Variants in KLF12 observed in about 807,000 individuals in gnomAD.
KLF12 encodes KLF transcription factor 12, also known as Krueppel-like factor 12.
A neutral mutation model predicts 37.8 loss-of-function variants in KLF12; 9 were observed. That is an observed-to-expected ratio of 0.24 (90% CI 0.14 to 0.42). The LOEUF is 0.42. Ranked by LOEUF, KLF12 falls within the 10% of genes least tolerant of loss-of-function variation. KLF12 has a pLI of 1.00. For synonymous variants in KLF12, 208 were observed against 202.1 expected, an observed-to-expected ratio of 1.03 and a Z score of -0.25; for missense variants, 411 against 516.0, an observed-to-expected ratio of 0.80 and a Z score of 1.97.
chr13:73,918,329 ATTTCTACC>A (rs1269759735), intron 3 of KLF12, among the ~76,000 whole-genome samples: 2 of 152,026 alleles, frequency 1.3e-5, no homozygotes, highest in African/African-American at 4.8e-5. Context: ...CCATGGCAAT[ATTTCTACC>A]TTGAAGTTCC....
At chr13:74,057,333 C>T (rs1873300841) in intron 1 of KLF12, among the ~76,000 whole-genome samples, 2 of 152,166 alleles carry the variant, frequency 1.3e-5, no homozygotes, top group Non-Finnish European at 2.9e-5. Flanking sequence ...GCTGGAAATC[C>T]AGCTGCCTGA....
At chr13:73,926,861 T>G (rs1889406971) in intron 3 of KLF12, among the ~76,000 whole-genome samples, 1 of 151,410 alleles carries the variant, frequency 6.6e-6, no homozygotes, top group East Asian at 1.9e-4. Flanking sequence ...ATGGAGAGTC[T>G]GCATAATCAC....
chr13:73,949,897 T>C (rs1378797052), intron 2 of KLF12, among the ~76,000 whole-genome samples: 5 of 152,220 alleles, frequency 3.3e-5, no homozygotes, highest in African/African-American at 1.2e-4. Flanking sequence ...CTGTATTTTA[T>C]TAACAGAAAT....
At chr13:73,908,835 G>C (rs1243817887) in intron 3 of KLF12, among the ~76,000 whole-genome samples, 1 of 152,064 alleles carries the variant, frequency 6.6e-6, no homozygotes, top group Non-Finnish European at 1.5e-5. Context: ...TGATCTCTAT[G>C]CTATCTGCCC....
the KLF12 span, among the ~76,000 whole-genome samples, chr13:74,231,178 G>A: frequency 6.6e-6 from 1 of 151,480 alleles, no homozygotes; most frequent in African/African-American, 2.4e-5. Flanking sequence ...TCACTCCTTG[G>A]CTACTTCAGG....
intron 1 of KLF12, among the ~76,000 whole-genome samples, chr13:74,034,154 C>T (rs567829501): frequency 1.2e-4 from 18 of 152,252 alleles, no homozygotes; most frequent in African/African-American, 4.3e-4. Flanking sequence ...CCTCTGCCTC[C>T]CAGGTTCAAG....
At chr13:74,085,615 G>A (rs888940008) in intron 1 of KLF12, among the ~76,000 whole-genome samples, 4 of 152,080 alleles carry the variant, frequency 2.6e-5, no homozygotes, top group African/African-American at 9.7e-5. Flanking sequence ...AATGGAGCAG[G>A]GACTCAACCA....
At chr13:73,900,994 T>C (rs1888015652) in intron 3 of KLF12, among the ~76,000 whole-genome samples, 1 of 152,192 alleles carries the variant, frequency 6.6e-6, no homozygotes, top group South Asian at 2.1e-4. Context: ...GTAACTTAAT[T>C]TCAAGACGAT....
At chr13:74,142,753 T>C in the KLF12 span, among the ~76,000 whole-genome samples, 9 of 152,022 alleles carry the variant, frequency 5.9e-5, no homozygotes, top group Non-Finnish European at 1.2e-4. Context: ...AATAATAGAG[T>C]TATTTGTCAA....
chr13:73,912,558 A>C (rs555318347), intron 3 of KLF12, among the ~76,000 whole-genome samples: 66 of 152,208 alleles, frequency 4.3e-4, no homozygotes, highest in African/African-American at 1.3e-3. Context: ...ACTAAGGGAC[A>C]CCAAAAATTG....
chr13:73,959,161 C>T (rs187648129), intron 2 of KLF12, among the ~76,000 whole-genome samples: 60 of 122,172 alleles, frequency 4.9e-4, no homozygotes, highest in Non-Finnish European at 2.6e-4. Flanking sequence ...CATCTTGCTC[C>T]GCATCATGAA....
chr13:74,243,065 C>G, the KLF12 span, among the ~76,000 whole-genome samples: 1 of 152,122 alleles, frequency 6.6e-6, no homozygotes, highest in Non-Finnish European at 1.5e-5. Flanking sequence ...GTTTTAAGCC[C>G]TGTAGGCATT....
At chr13:74,127,429 G>T (rs557827008) in intron 1 of KLF12, among the ~76,000 whole-genome samples, 12 of 152,298 alleles carry the variant, frequency 7.9e-5, no homozygotes, top group Non-Finnish European at 1.6e-4. Flanking sequence ...ATGAGTTGTG[G>T]GGCCCGAGAA....
chr13:74,192,646 A>G, the KLF12 span, among the ~76,000 whole-genome samples: 1 of 152,200 alleles, frequency 6.6e-6, no homozygotes, highest in African/African-American at 2.4e-5. Flanking sequence ...TATTTTGTAA[A>G]ATGAGTAAAG....
chr13:73,926,044 C>T (rs1221004401), intron 3 of KLF12, among the ~76,000 whole-genome samples: 1 of 152,064 alleles, frequency 6.6e-6, no homozygotes, highest in Non-Finnish European at 1.5e-5. Flanking sequence ...AAGATGCTGT[C>T]GACATTGTTG....
intron 3 of KLF12, among the ~76,000 whole-genome samples, chr13:73,854,771 A>G (rs1885521574): frequency 6.6e-6 from 1 of 152,176 alleles, no homozygotes; most frequent in African/African-American, 2.4e-5. Flanking sequence ...ATCTAACACA[A>G]TGTAAATACA....
At chr13:74,246,646 C>T in the KLF12 span, among the ~76,000 whole-genome samples, 1 of 152,202 alleles carries the variant, frequency 6.6e-6, no homozygotes, top group African/African-American at 2.4e-5. Flanking sequence ...CCCGTGATGC[C>T]TCTCCAGAAA....
chr13:73,976,093 T>TAAAAAAA (rs60828645), intron 2 of KLF12, among the ~76,000 whole-genome samples: 1 of 150,520 alleles, frequency 6.6e-6, no homozygotes, highest in Admixed American at 6.6e-5. Flanking sequence ...AATAAGTCAT[T>TAAAAAAA]AAAAAAAATG....
chr13:73,896,665 T>C (rs1887784401), intron 3 of KLF12, among the ~76,000 whole-genome samples: 1 of 152,210 alleles, frequency 6.6e-6, no homozygotes, highest in Admixed American at 6.5e-5. Flanking sequence ...TTTCTCTGAA[T>C]CTAGGCTCTC....
Sources: allele counts gnomAD v4.1 joint callset (sites outside exome capture counted in the v4.1 genomes callset), GRCh38; gene constraint gnomAD v4.1.1; transcripts MANE v1.5; gene names NCBI Gene and HGNC (gene_info 2026-07-23, HGNC 2026-07-21).